The following ZFPL1 variants were observed in gnomAD, a reference collection of about 807,000 sequenced individuals.
The protein encoded by ZFPL1 is zinc finger protein like 1.
In ZFPL1, 28 loss-of-function variants were observed where a neutral mutation model predicts 32.0. The ratio of observed to expected loss-of-function variants is 0.87; its 90% CI spans 0.65 to 1.20. ZFPL1 has a LOEUF of 1.20. Among genes scored for constraint, ZFPL1 ranks in the 50% most tolerant of loss-of-function variants. The pLI, the probability that ZFPL1 is intolerant of heterozygous loss-of-function variation, is 0.00. For synonymous variants in ZFPL1, 165 were observed against 177.0 expected (o/e 0.93, Z 0.54); for missense variants, 386 against 424.8 (o/e 0.91, Z 0.80).
chr11:65,087,117 G>C (rs771094569), intron 6 of ZFPL1, 43 bp downstream of exon 6: 1 of 1,595,252 alleles, frequency 6.3e-7, no homozygotes, highest in East Asian at 2.2e-5. Flanking sequence ...ATAGGAAGAG[G>C]GTGGAATGGT....
chr11:65,087,499 T>G, intron 7 of ZFPL1, 66 bp downstream of exon 7: 1 of 1,467,306 alleles, frequency 6.8e-7, no homozygotes, highest in Non-Finnish European at 9.5e-7. Flanking sequence ...CCAGAGGTCC[T>G]GGAAGGGATG....
chr11:65,084,270 G>A lies in ZFPL1; in HGVS notation c.-117G>A. 1.8e-6 allele frequency: 1 copy of A among 560,628 alleles called. No homozygotes were observed. Among genetic ancestry groups the A allele is most frequent in the Non-Finnish European group, 3.2e-6 (1 of 315,794 alleles). 34.7% of individuals were successfully genotyped at this position (560,628 alleles called of 1,614,324 possible). ...ATCGGGGCGGCCGGGGCTGAAGGGAGAGGCGCAGGAGCCCTGGGGAGAGTG... is the reference window on the plus strand; with the variant it reads ...ATCGGGGCGGCCGGGGCTGAAGGGAAAGGCGCAGGAGCCCTGGGGAGAGTG... On this transcript the variant is annotated 5_prime_UTR_variant, in exon 1 of 8. Transcript: ENST00000294258.
chr11:65,086,254 CAAG>C (rs1199254827), intron 3 of ZFPL1, 158 bp from the exon 4 acceptor site: 117 of 990,688 alleles, frequency 1.2e-4, no homozygotes, highest in Non-Finnish European at 1.7e-4. Flanking sequence ...TGGTGGTAGC[CAAG>C]AAGACTGACA....
Position 65,088,327 on chromosome 11 carries a change from G to A in ZFPL1, c.*213G>A, listed in dbSNP as rs528192237. 7.7e-5 allele frequency: 90 copies of A among 1,163,600 alleles called. 1 individual carries two copies. The highest frequency in any genetic ancestry group is 5.7e-4 in the Admixed American group (28 of 48,996). 72.1% of individuals were successfully genotyped at this position (1,163,600 alleles called of 1,614,324 possible). On this transcript the variant is annotated 3_prime_UTR_variant, in exon 8 of 8. Transcript: ENST00000294258. ...ATTTGTCTTGACTTGCTTTCCTCCC[G>A]GGTCTCCAGCCTCCGACCCCTCGCC... is the stretch of plus-strand genomic sequence containing the variant.
At chr11:65,086,002 T>TTAAAA in intron 3 of ZFPL1, 3 of 203,996 alleles carry the variant, frequency 1.5e-5, no homozygotes, top group Non-Finnish European at 3.0e-5. Context: ...TGTGTTTGAT[T>TTAAAA]ATGTGCTTAT....
rs542277268 is a variant in ZFPL1 at position 65,086,889 on chromosome 11, A to G, written c.482-39A>G. ...GTCACATGCTCTACCCCTGAGCTCTATGCACTGCTTCTGCTGACGGCTCTC... is the reference window on the plus strand; with the variant it reads ...GTCACATGCTCTACCCCTGAGCTCTGTGCACTGCTTCTGCTGACGGCTCTC... On this transcript the variant is annotated intron_variant, in intron 5 of 7. Coordinates refer to ENST00000294258, the MANE Select transcript of ZFPL1 (RefSeq NM_006782.4). 6.6e-5 allele frequency: 107 copies of G among 1,613,066 alleles called. 1 individual carries two copies. The South Asian group carries it at 9.9e-4, about 15-fold the overall frequency.
rs1427949970 is a variant in ZFPL1 at position 65,085,187 on chromosome 11, C to T, written c.175C>T (p.Pro59Ser). 1.2e-6 allele frequency: 2 copies of T among 1,614,018 alleles called. No individual in the cohort carries two copies. Among genetic ancestry groups the T allele is most frequent in the East Asian group, 2.2e-5 (1 of 44,898 alleles). Residue 59 changes from proline to serine, a missense_variant, in exon 3 of 8, where the codon CCC (proline) becomes TCC (serine). Pro to Ser is a moderately conservative substitution (Grantham distance 74). Transcript: ENST00000294258. ...CCCCAATTGCCGCCTGTGCAACATA[C>T]CCCTGGCCAGCCGAGAGACGACCCG... is the stretch of plus-strand genomic sequence containing the variant. Reference protein sequence around the residue: ...YNPNCRLCNIPLASRETTRLV... With the variant: ...YNPNCRLCNISLASRETTRLV...
At chr11:65,086,392 T>C (rs1590804810) in intron 3 of ZFPL1, 23 bp from the exon 4 acceptor site, 1 of 1,613,890 alleles carries the variant, frequency 6.2e-7, no homozygotes, top group Non-Finnish European at 8.5e-7. Flanking sequence ...ATGTCTCTTC[T>C]CCCCTGTCTC....
chr11:65,086,441 G>T lies in ZFPL1; in HGVS notation c.241G>T (p.Glu81Ter). ...YDLFHWACLNERAAQLPRNTA... is the reference protein window; with the variant it reads ...YDLFHWACLN ...TCTCTTTCACTGGGCCTGCCTCAAT[G>T]AACGTGCTGCCCAGCTACCCCGAAA... The change falls in exon 4 of 8, where the codon GAA (glutamate) becomes TAA (stop). Residue 81 changes from glutamate (E) to a stop codon, truncating the protein, a stop_gained. Transcript: ENST00000294258. LOFTEE classifies it high-confidence loss of function. 1.2e-6 allele frequency: 2 copies of T among 1,614,076 alleles called. No individual in the cohort carries two copies. Among genetic ancestry groups the T allele is most frequent in the Non-Finnish European group, 1.7e-6 (2 of 1,180,034 alleles).
rs770194000 is a variant in ZFPL1 at position 65,086,802 on chromosome 11, G to A, written c.481+10G>A. On this transcript the variant is annotated intron_variant, in intron 5 of 7. Coordinates refer to ENST00000294258, the MANE Select transcript of ZFPL1 (RefSeq NM_006782.4). ...TGGTCTAGTTTTAATGGTAAGTGGT[G>A]GCTTCCACCGACTGTTTGGGCTTTA... 4 of 1,614,116 alleles carry A rather than the reference G, an allele frequency of 2.5e-6. No individual in the cohort carries two copies. Among genetic ancestry groups the A allele is most frequent in the African/African-American group, 2.7e-5 (2 of 74,932 alleles).
At position 65,086,467 on chromosome 11, in the gene ZFPL1, C is replaced by T; in HGVS notation, c.267C>T (p.Asn89=). ...LNERAAQLPR[N]TAPAGYQCPS... The stretch of plus-strand genomic sequence containing the variant: ...AACGTGCTGCCCAGCTACCCCGAAA[C>T]ACGGCACCTGCCGGCTATCAGTGCC... Residue 89 remains asparagine, a synonymous_variant, in exon 4 of 8, where the codon AAC becomes AAT. Transcript: ENST00000294258. 1.2e-6 allele frequency: 2 copies of T among 1,614,130 alleles called. No individual in the cohort carries two copies. Among genetic ancestry groups the T allele is most frequent in the Non-Finnish European group, 1.7e-6 (2 of 1,180,038 alleles).
intron 1 of ZFPL1, 78 bp from the exon 2 acceptor site, chr11:65,084,613 G>T: frequency 8.3e-7 from 1 of 1,205,146 alleles, no homozygotes; most frequent in Non-Finnish European, 1.2e-6. Context: ...GGGGAGTTAA[G>T]AGTGGAAACT....
At chr11:65,085,308 C>T in intron 3 of ZFPL1, 82 bp downstream of exon 3, 1 of 1,238,980 alleles carries the variant, frequency 8.1e-7, no homozygotes, top group Non-Finnish European at 1.2e-6. Context: ...CCTCAAGCAG[C>T]AGGACAGTGA....
At chr11:65,086,662 C>T in intron 4 of ZFPL1, 54 bp downstream of exon 4, 1 of 1,614,048 alleles carries the variant, frequency 6.2e-7, no homozygotes. Flanking sequence ...CCACCTGAGT[C>T]AGATGGGTGG....
rs753890302 is a variant in ZFPL1 at position 65,088,055 on chromosome 11, G to A, written c.874G>A (p.Asp292Asn). Residue 292 changes from aspartate to asparagine, a missense_variant, in exon 8 of 8, where the codon GAC becomes AAC. Physicochemically the swap from Asp to Asn is conservative, Grantham distance 23 (BLOSUM62 1). Transcript: ENST00000294258. ...GTCTCGCCTAGGCCGGGCCGCAGCT[G>A]ACAGCGATCCCAACCTGGACCCACT... ...LMSRLGRAAA[D>N]SDPNLDPLMN... 1.2e-6 allele frequency: 2 copies of A among 1,611,644 alleles called. No individual in the cohort carries two copies. Among genetic ancestry groups the A allele is most frequent in the South Asian group, 2.2e-5 (2 of 90,996 alleles).
intron 7 of ZFPL1, 116 bp from the exon 8 acceptor site, chr11:65,087,812 C>T: frequency 8.8e-7 from 1 of 1,136,712 alleles, no homozygotes; most frequent in East Asian, 2.5e-5. Context: ...GTGATCATCC[C>T]TGAGGCACAG....
At chr11:65,087,855 A>G in intron 7 of ZFPL1, 73 bp from the exon 8 acceptor site, 1 of 1,450,516 alleles carries the variant, frequency 6.9e-7, no homozygotes. Flanking sequence ...ATGGGTGGTG[A>G]CCAGGGCTTC....
chr11:65,086,208 A>T, intron 3 of ZFPL1: 2 of 695,890 alleles, frequency 2.9e-6, no homozygotes, highest in Non-Finnish European at 4.9e-6. Context: ...TACCCCTGTG[A>T]GCTGGACAGC....
Position 65,084,767 on chromosome 11 carries a change from C to A in ZFPL1, c.69C>A (p.Val23=), listed in dbSNP as rs745507745. ...TCTGCTTCGAACATCGGGTCAACGTCTGCGAGCACTGCCTGGTAGCCAATC... is the reference window on the plus strand; with the variant it reads ...TCTGCTTCGAACATCGGGTCAACGTATGCGAGCACTGCCTGGTAGCCAATC... ...NLFCFEHRVN[V]CEHCLVANHA... Residue 23 remains valine, a synonymous_variant, in exon 2 of 8, where the codon GTC becomes GTA. Transcript: ENST00000294258. 8.7e-6 allele frequency: 14 copies of A among 1,614,030 alleles called. No individual in the cohort carries two copies. The Admixed American group carries it at 2.3e-4, about 27-fold the overall frequency.
Sources: gnomAD v4.1 joint callset for allele counts on GRCh38, gnomAD v4.1.1 for gene constraint, MANE v1.5 for transcripts, NCBI Gene and HGNC (gene_info 2026-07-23, HGNC 2026-07-21) for gene names.